The following SOX5 variants were observed in gnomAD, a reference collection of about 807,000 sequenced individuals.
SOX5 encodes SRY-box transcription factor 5.
In SOX5, 9 loss-of-function variants were observed where a neutral mutation model predicts 92.0. The observed-to-expected ratio is 0.10, with a 90% CI of 0.06 to 0.17. The LOEUF (loss-of-function observed/expected upper bound fraction) is 0.17. Ranked by LOEUF, SOX5 falls within the 10% of genes least tolerant of loss-of-function variation. SOX5 has a pLI of 1.00. For synonymous variants in SOX5, 344 were observed against 336.3 expected (o/e 1.02, Z -0.25); for missense variants, 642 against 944.5 (o/e 0.68, Z 4.20).
rs573889938 is a variant in SOX5 at position 23,835,914 on chromosome 12, T to C, written c.481+10069A>G. Among the ~76,000 whole-genome samples the C allele has an allele frequency of 1.6e-4, 24 of 151,862 alleles. No homozygotes were observed. The East Asian group carries it at 1.7e-3, about 11-fold the overall frequency. Reference sequence around the variant, plus strand: ...AATGGAGATAATAGGAATGAGGATATTGAGATCATGTGAATGGTATTCCCT... The same window carrying C: ...AATGGAGATAATAGGAATGAGGATACTGAGATCATGTGAATGGTATTCCCT... On this transcript the variant is annotated intron_variant, in intron 3 of 14. Transcript: ENST00000451604.
chr12:24,520,809 G>A (rs187109532), intron 1 of SOX5, among the ~76,000 whole-genome samples: 31 of 152,284 alleles, frequency 2.0e-4, no homozygotes, highest in Middle Eastern at 3.4e-3. Flanking sequence ...GGAATTTCGT[G>A]CAAATGGCAA....
upstream of SOX5, among the ~76,000 whole-genome samples, chr12:23,950,295 A>C (rs1348292240): frequency 6.6e-6 from 1 of 151,372 alleles, no homozygotes; most frequent in East Asian, 1.9e-4. Flanking sequence ...CACACACACA[A>C]CAATCAGGCA....
intron 1 of SOX5, among the ~76,000 whole-genome samples, chr12:24,469,723 C>T (rs11047463): frequency 0.29 from 44,601 of 151,942 alleles, 6,646 homozygotes; most frequent in Middle Eastern, 0.35. Context: ...TGTGGGTGCT[C>T]GAAAAACTAT....
At chr12:23,643,848 G>A (rs895617592) in intron 7 of SOX5, among the ~76,000 whole-genome samples, 1 of 152,136 alleles carries the variant, frequency 6.6e-6, no homozygotes, top group Non-Finnish European at 1.5e-5. Context: ...GGAATTGGAG[G>A]CAGGAAGTGT....
At chr12:23,946,660 C>T (rs1944641246) in intron 1 of SOX5, among the ~76,000 whole-genome samples, 1 of 151,910 alleles carries the variant, frequency 6.6e-6, no homozygotes. Flanking sequence ...TTCGGGCGTT[C>T]ATTCTAATGA....
chr12:24,090,207 T>A (rs946081056), intron 4 of SOX5, among the ~76,000 whole-genome samples: 2 of 152,146 alleles, frequency 1.3e-5, no homozygotes, highest in African/African-American at 4.8e-5. Context: ...TTTACTTAGA[T>A]CTTGAAATGA....
rs114305016 is a variant in SOX5 at position 24,006,328 on chromosome 12, G to A, written c.-1-110304C>T. ...AAGATGTTACAATAACAAAAAGCTGGGGAATATTAGTGGCAAAATGCATTT... is the reference window on the plus strand; with the variant it reads ...AAGATGTTACAATAACAAAAAGCTGAGGAATATTAGTGGCAAAATGCATTT... On this transcript the variant is annotated intron_variant, in intron 4 of 4. Transcript: ENST00000446891. Among the ~76,000 whole-genome samples the A allele has an allele frequency of 3.7e-3, 561 of 152,190 alleles. 5 individuals are homozygous for A. Among genetic ancestry groups the A allele is most frequent in the African/African-American group, 0.013 (542 of 41,516 alleles).
At chr12:24,534,569 C>A (rs1337986016) in intron 1 of SOX5, among the ~76,000 whole-genome samples, 1 of 152,150 alleles carries the variant, frequency 6.6e-6, no homozygotes, top group Non-Finnish European at 1.5e-5. Flanking sequence ...TAACTAGAGA[C>A]TCTTAAAACC....
At chr12:24,377,206 T>C (rs906378546) in intron 1 of SOX5, among the ~76,000 whole-genome samples, 1 of 152,216 alleles carries the variant, frequency 6.6e-6, no homozygotes, top group African/African-American at 2.4e-5. Context: ...GTTTAATTTT[T>C]GCTCCTTTCC....
Position 24,343,492 on chromosome 12 carries a change from A to T in SOX5, c.-174+25071T>A, listed in dbSNP as rs143560107. Reference sequence around the variant, plus strand: ...ATATATATGAGACAGACATAGATTAATATGGACATAAATATAAAGTATATT... The same window carrying T: ...ATATATATGAGACAGACATAGATTATTATGGACATAAATATAAAGTATATT... On this transcript the variant is annotated intron_variant, in intron 2 of 4. Transcript: ENST00000446891. Among the ~76,000 whole-genome samples, 290 of 151,370 alleles carry T rather than the reference A, an allele frequency of 1.9e-3. 1 individual carries two copies. The highest frequency in any genetic ancestry group is 6.8e-3 in the African/African-American group (280 of 41,350).
At chr12:24,181,047 A>C (rs921491229) in intron 4 of SOX5, among the ~76,000 whole-genome samples, 1 of 152,168 alleles carries the variant, frequency 6.6e-6, no homozygotes, top group Non-Finnish European at 1.5e-5. Flanking sequence ...TTCTCAACAC[A>C]ATCTGTCTAC....
intron 1 of SOX5, among the ~76,000 whole-genome samples, chr12:24,455,172 C>A (rs1272134689): frequency 6.6e-6 from 1 of 152,158 alleles, no homozygotes; most frequent in Non-Finnish European, 1.5e-5. Context: ...GGTCGCAGCC[C>A]ACAGGGTTAA....
chr12:24,538,598 A>AC (rs1951846380), intron 1 of SOX5, among the ~76,000 whole-genome samples: 1 of 143,752 alleles, frequency 7.0e-6, no homozygotes, highest in African/African-American at 2.5e-5. Context: ...GCTGGATCTA[A>AC]ACACACACAC....
At chr12:24,514,096 C>A (rs1949563388) in intron 1 of SOX5, among the ~76,000 whole-genome samples, 1 of 152,188 alleles carries the variant, frequency 6.6e-6, no homozygotes, top group African/African-American at 2.4e-5. Context: ...TGAATCGACT[C>A]AAATTTAACA....
intron 1 of SOX5, among the ~76,000 whole-genome samples, chr12:24,543,594 G>A (rs1245650726): frequency 1.3e-5 from 2 of 152,168 alleles, no homozygotes; most frequent in Admixed American, 1.3e-4. Context: ...AGGCTGAGGT[G>A]GGAGAATCAC....
At chr12:24,511,487 T>C (rs1949298555) in intron 1 of SOX5, among the ~76,000 whole-genome samples, 1 of 152,212 alleles carries the variant, frequency 6.6e-6, no homozygotes, top group Non-Finnish European at 1.5e-5. Context: ...TAAAGGCATA[T>C]ATTTTTAAAG....
intron 3 of SOX5, among the ~76,000 whole-genome samples, chr12:23,757,070 T>C (rs1243519213): frequency 6.6e-6 from 1 of 151,852 alleles, no homozygotes. Flanking sequence ...GTCAGAAACT[T>C]GTGGAAAATA....
intron 2 of SOX5, among the ~76,000 whole-genome samples, chr12:24,316,252 G>C (rs1280672811): frequency 3.9e-5 from 6 of 152,156 alleles, no homozygotes; most frequent in Admixed American, 3.9e-4. Flanking sequence ...AGGGGAAGGG[G>C]AGTAGAAGGG....
chr12:24,072,708 C>G (rs1941962496), intron 4 of SOX5, among the ~76,000 whole-genome samples: 1 of 152,188 alleles, frequency 6.6e-6, no homozygotes, highest in African/African-American at 2.4e-5. Context: ...AAACCTACTC[C>G]TCACCTCAAA....
Sources: allele counts gnomAD v4.1 joint callset (sites outside exome capture counted in the v4.1 genomes callset), GRCh38; gene constraint gnomAD v4.1.1; transcripts MANE v1.5; gene names NCBI Gene and HGNC (gene_info 2026-07-23, HGNC 2026-07-21).